Variants in SHISA6 observed in about 807,000 individuals in gnomAD.
SHISA6 encodes the protein shisa family member 6.
SHISA6 carries 22 observed loss-of-function variants against 47.9 expected under a neutral mutation model. The observed-to-expected ratio is 0.46, with a 90% CI of 0.33 to 0.66. SHISA6 has a LOEUF of 0.66. Ranked by LOEUF, SHISA6 falls within the 30% of genes least tolerant of loss-of-function variation. The pLI is 0.02. For missense variants in SHISA6, 680 were observed against 764.6 expected, an observed-to-expected ratio of 0.89 and a Z score of 1.30; for synonymous variants, 388 against 337.8, an observed-to-expected ratio of 1.15 and a Z score of -1.63.
At chr17:11,442,664 T>C (rs1422683582) in intron 3 of SHISA6, among the ~76,000 whole-genome samples, 1 of 152,212 alleles carries the variant, frequency 6.6e-6, no homozygotes, top group Non-Finnish European at 1.5e-5. Flanking sequence ...TGTTTGCTAG[T>C]AGAATCTATG....
chr17:11,399,014 G>T (rs949826787), intron 3 of SHISA6, among the ~76,000 whole-genome samples: 9 of 151,874 alleles, frequency 5.9e-5, no homozygotes, highest in Non-Finnish European at 1.3e-4. Flanking sequence ...GGAGTGGAAA[G>T]ATCACTTGCT....
At chr17:11,345,422 G>T (rs1911670767) in intron 2 of SHISA6, among the ~76,000 whole-genome samples, 2 of 152,024 alleles carry the variant, frequency 1.3e-5, no homozygotes, top group African/African-American at 4.8e-5. Context: ...TATTAGTCTT[G>T]TAACTTTATT....
At chr17:11,267,116 G>A (rs1011382286) in intron 2 of SHISA6, among the ~76,000 whole-genome samples, 2 of 152,100 alleles carry the variant, frequency 1.3e-5, no homozygotes, top group Non-Finnish European at 2.9e-5. Context: ...CCTTCTATAA[G>A]AGCCTTTTAC....
chr17:11,305,005 C>T (rs765954708), intron 2 of SHISA6, among the ~76,000 whole-genome samples: 1 of 152,194 alleles, frequency 6.6e-6, no homozygotes, highest in Non-Finnish European at 1.5e-5. Context: ...TCAAAGAGTC[C>T]TTCCACAGTT....
chr17:11,532,739 CTTTTTTTTT>C (rs71142217), intron 3 of SHISA6, among the ~76,000 whole-genome samples: 54 of 71,306 alleles, frequency 7.6e-4, no homozygotes, highest in African/African-American at 3.1e-3. Context: ...TCTATCAGGG[CTTTTTTTTT>C]TTTTTTTTTT....
At chr17:11,410,592 A>G (rs1914086145) in intron 3 of SHISA6, among the ~76,000 whole-genome samples, 1 of 152,204 alleles carries the variant, frequency 6.6e-6, no homozygotes, top group Non-Finnish European at 1.5e-5. Context: ...CTGCCCTGCA[A>G]TAACCTCGCT....
At chr17:11,362,494 C>G (rs1281049970) in intron 2 of SHISA6, among the ~76,000 whole-genome samples, 1 of 152,264 alleles carries the variant, frequency 6.6e-6, no homozygotes, top group Admixed American at 6.5e-5. Context: ...ATGCTTCTAC[C>G]AATTTCACTT....
At chr17:11,259,540 C>T (rs1003487633) in intron 1 of SHISA6, among the ~76,000 whole-genome samples, 1 of 152,208 alleles carries the variant, frequency 6.6e-6, no homozygotes, top group Non-Finnish European at 1.5e-5. Context: ...CCATTTTAAG[C>T]ACTAGTTCAT....
chr17:11,393,324 G>GAACTTACACACCA (rs1303697373), intron 3 of SHISA6, among the ~76,000 whole-genome samples: 1 of 151,956 alleles, frequency 6.6e-6, no homozygotes, highest in Non-Finnish European at 1.5e-5. Context: ...TCATTCTCTT[G>GAACTTACACACCA]AACTTACACA....
chr17:11,367,315 T>G (rs1912486214), intron 2 of SHISA6, among the ~76,000 whole-genome samples: 1 of 152,030 alleles, frequency 6.6e-6, no homozygotes, highest in Non-Finnish European at 1.5e-5. Flanking sequence ...TAGGCCATGC[T>G]TGGAACAAGG....
At chr17:11,350,549 T>C (rs1232640235) in intron 2 of SHISA6, among the ~76,000 whole-genome samples, 1 of 152,014 alleles carries the variant, frequency 6.6e-6, no homozygotes, top group East Asian at 1.9e-4. Context: ...TAATCAAACA[T>C]CATATCTAGT....
In SHISA6 at chr17:11,418,678, G is replaced by A. The variant is rs149224399; in HGVS notation, c.895+39169G>A. On this transcript the variant is annotated intron_variant, in intron 3 of 5. Coordinates refer to ENST00000441885, the MANE Select transcript of SHISA6 (RefSeq NM_207386.4). ...CTATCCCTACCTTCCCTGCATTGGC[G>A]TAAGCATATTCCTGGATAAGACTGT... is the stretch of plus-strand genomic sequence containing the variant. 9.7e-4 allele frequency among the ~76,000 whole-genome samples: 148 copies of A among 152,236 alleles called. 4 individuals are homozygous for A. In the East Asian group the frequency reaches 0.027, roughly 27 times the overall value.
At chr17:11,274,214 C>T (rs772040253) in intron 2 of SHISA6, among the ~76,000 whole-genome samples, 2 of 152,310 alleles carry the variant, frequency 1.3e-5, no homozygotes, top group African/African-American at 4.8e-5. Flanking sequence ...ACTTTCCCCA[C>T]GTGGCCGGGG....
chr17:11,559,160 G>A lies in SHISA6; in HGVS notation c.*856G>A, dbSNP rs2072014948. 1.3e-5 allele frequency: 2 copies of A among 152,666 alleles called. No homozygotes were observed. The highest frequency in any genetic ancestry group is 1.3e-4 in the Admixed American group (2 of 15,286). The allele number at this position is 152,666 out of a possible 1,614,324, so 9.5% of individuals were successfully genotyped here. ...CCTTCGCAGAGGGGAGTAGCAATGG[G>A]GTGCTGGCCCTCCCAGACACCCGAT... On this transcript the variant is annotated 3_prime_UTR_variant, in exon 6 of 6. Coordinates refer to ENST00000441885, the MANE Select transcript of SHISA6 (RefSeq NM_207386.4). This position sits in a 1 kb window ranked among gnomAD's most constrained non-coding sequence, Gnocchi z 4.4.
chr17:11,547,430 A>G (rs1347021075), intron 3 of SHISA6, among the ~76,000 whole-genome samples: 1 of 152,310 alleles, frequency 6.6e-6, no homozygotes, highest in East Asian at 1.9e-4. Context: ...AACAAACCCA[A>G]ACATTTTGAA....
At chr17:11,381,885 G>T (rs1913021012) in intron 3 of SHISA6, among the ~76,000 whole-genome samples, 1 of 152,094 alleles carries the variant, frequency 6.6e-6, no homozygotes, top group Non-Finnish European at 1.5e-5. Flanking sequence ...CACTATTTGT[G>T]CCATATTTTT....
chr17:11,298,544 G>C (rs1909824129), intron 2 of SHISA6, among the ~76,000 whole-genome samples: 1 of 152,180 alleles, frequency 6.6e-6, no homozygotes, highest in Non-Finnish European at 1.5e-5. Flanking sequence ...ACTCAGGCTG[G>C]GCCAGCAGGC....
rs143845883 is a variant in SHISA6 at position 11,543,582 on chromosome 17, A to AT, written c.896-8307dup. Among the ~76,000 whole-genome samples, 1,350 of 152,202 alleles carry AT rather than the reference A, an allele frequency of 8.9e-3. 16 individuals are homozygous for AT. The highest frequency in any genetic ancestry group is 0.03 in the African/African-American group (1,245 of 41,540). ...TAATTCCTACCAACATCCCTGCAAA[A>AT]TTTTTTTCTGGCTATAGACAATATT... On this transcript the variant is annotated intron_variant, in intron 3 of 5. Transcript: ENST00000441885.
intron 3 of SHISA6, among the ~76,000 whole-genome samples, chr17:11,423,215 ATGTG>A (rs140387181): frequency 0.2 from 26,470 of 135,546 alleles, 2,783 homozygotes; most frequent in South Asian, 0.36. Context: ...ACATATATGT[ATGTG>A]TGTGTGTGTG....
Sources: gnomAD v4.1 joint callset for allele counts (sites outside exome capture counted in the v4.1 genomes callset) on GRCh38, gnomAD v4.1.1 for gene constraint, Gnocchi (gnomAD v3.1) non-coding constraint, MANE v1.5 for transcripts, NCBI Gene and HGNC (gene_info 2026-07-23, HGNC 2026-07-21) for gene names.